The following SCOC variants were observed in gnomAD, a reference collection of about 807,000 sequenced individuals.
The protein encoded by SCOC is short coiled-coil protein, also known as short coiled coil protein.
A neutral mutation model predicts 9.9 loss-of-function variants in SCOC; 7 were observed. The observed-to-expected ratio is 0.71, with a 90% CI of 0.40 to 1.33. The LOEUF (loss-of-function observed/expected upper bound fraction) is 1.33. Ranked by LOEUF, SCOC falls within the 40% of genes most tolerant of loss-of-function variation. SCOC has a pLI of 0.01. For synonymous variants in SCOC, 19 were observed against 28.2 expected (o/e 0.67, Z 1.03); for missense variants, 66 against 89.7 (o/e 0.74, Z 1.07).
chr4:140,363,928 G>A (rs1727678536), intron 2 of SCOC, among the ~76,000 whole-genome samples: 1 of 152,172 alleles, frequency 6.6e-6, no homozygotes, highest in Non-Finnish European at 1.5e-5. Context: ...AAGAAGCAGA[G>A]AAAATTCATG....
At chr4:140,379,784 A>T (rs1012369544) in intron 3 of SCOC, 132 bp downstream of exon 3, 1 of 617,194 alleles carries the variant, frequency 1.6e-6, no homozygotes, top group Non-Finnish European at 2.9e-6. Context: ...ACACATATAT[A>T]TATCTATCTT....
chr4:140,350,876 C>T (rs767629753), intron 2 of SCOC, among the ~76,000 whole-genome samples: 15 of 152,066 alleles, frequency 9.9e-5, no homozygotes, highest in African/African-American at 1.4e-4. Flanking sequence ...AAGGAGCTCA[C>T]ATAAAAGTTT....
At chr4:140,350,878 TA>T (rs1310839020) in intron 2 of SCOC, among the ~76,000 whole-genome samples, 3 of 152,114 alleles carry the variant, frequency 2.0e-5, no homozygotes, top group Admixed American at 2.0e-4. Context: ...GGAGCTCACA[TA>T]AAAGTTTCCT....
intron 1 of SCOC, among the ~76,000 whole-genome samples, chr4:140,287,343 C>A (rs1423585976): frequency 1.3e-5 from 2 of 151,838 alleles, no homozygotes; most frequent in Non-Finnish European, 2.9e-5. Context: ...ACTAAACACA[C>A]ATCATGTGCA....
At chr4:140,296,537 G>T (rs1279033911) in intron 1 of SCOC, among the ~76,000 whole-genome samples, 2 of 152,190 alleles carry the variant, frequency 1.3e-5, no homozygotes, top group African/African-American at 4.8e-5. Context: ...TCCCTGAAAA[G>T]TGCAGTGGAA....
chr4:140,344,763 G>C (rs550421876), intron 2 of SCOC, among the ~76,000 whole-genome samples: 8 of 152,356 alleles, frequency 5.3e-5, no homozygotes, highest in African/African-American at 1.7e-4. Flanking sequence ...GCAGAAGGCA[G>C]TGAAGGAAAC....
intron 1 of SCOC, among the ~76,000 whole-genome samples, chr4:140,299,363 T>C (rs1377432727): frequency 6.6e-6 from 1 of 152,234 alleles, no homozygotes; most frequent in African/African-American, 2.4e-5. Context: ...AGAAGTCATA[T>C]GAATTCATAA....
At chr4:140,267,486 C>G (rs1231274580) in intron 1 of SCOC, among the ~76,000 whole-genome samples, 2 of 152,112 alleles carry the variant, frequency 1.3e-5, no homozygotes, top group African/African-American at 4.8e-5. Context: ...CTTCCTCTAC[C>G]CTGTTCTAAA....
At chr4:140,258,046 A>T (rs1327545449) in intron 1 of SCOC, among the ~76,000 whole-genome samples, 1 of 152,174 alleles carries the variant, frequency 6.6e-6, no homozygotes, top group African/African-American at 2.4e-5. Context: ...TGTTCCTCAC[A>T]TAGGTCGTCC....
chr4:140,373,180 A>T (rs903313065), upstream of SCOC: 5 of 683,364 alleles, frequency 7.3e-6, no homozygotes, highest in Non-Finnish European at 9.5e-6. Flanking sequence ...TTAAGGAACG[A>T]CGGTGTCGCG....
intron 2 of SCOC, among the ~76,000 whole-genome samples, chr4:140,354,000 G>A (rs146598986): frequency 2.0e-5 from 3 of 152,346 alleles, no homozygotes; most frequent in Non-Finnish European, 4.4e-5. Context: ...TGCTCGTAGT[G>A]TGACGTTAGT....
At chr4:140,284,878 A>G (rs1400212460) in intron 1 of SCOC, 1 of 174,934 alleles carries the variant, frequency 5.7e-6, no homozygotes, top group Non-Finnish European at 1.2e-5. Context: ...AATTCTTGTT[A>G]TAATTAATCA....
chr4:140,339,370 C>T (rs1726408170), upstream of SCOC, among the ~76,000 whole-genome samples: 1 of 151,890 alleles, frequency 6.6e-6, no homozygotes, highest in Admixed American at 6.6e-5. Flanking sequence ...TAGGCATTAC[C>T]ATTCAGGACA....
In SCOC at chr4:140,383,519, C is replaced by G. The variant is rs556596692; in HGVS notation, c.*2415C>G. 1 of 152,246 alleles carries G rather than the reference C, an allele frequency of 6.6e-6. No individual in the cohort carries two copies. Among genetic ancestry groups the G allele is most frequent in the East Asian group, 1.9e-4 (1 of 5,176 alleles). 9.4% of individuals were successfully genotyped at this position (152,246 alleles called of 1,614,324 possible). A position where few individuals can be genotyped will look rare whatever the true frequency, so the allele number is the denominator to read the frequency against. ...CTGGGAGATGTATGAAGATTTTGTC[C>G]CTAGCAGTGGAGAAGTTCCTTGATT... On this transcript the variant is annotated 3_prime_UTR_variant, in exon 4 of 4. Transcript: ENST00000608372.
In SCOC at chr4:140,270,070, A is replaced by T. The variant is rs186787114; in HGVS notation, c.-19+12660A>T. Among the ~76,000 whole-genome samples, 352 of 152,270 alleles carry T rather than the reference A, an allele frequency of 2.3e-3. 5 individuals carry two copies. Among genetic ancestry groups the T allele is most frequent in the Non-Finnish European group, 6.0e-4 (41 of 68,022 alleles). ...CCAGACTAGTCACAAACGTATCTTA[A>T]TAGGTAGAGTTCACTATTTAGTAAG... On this transcript the variant is annotated intron_variant, in intron 1 of 4. Transcript: ENST00000394205.
chr4:140,339,844 C>T (rs1726433390), upstream of SCOC, among the ~76,000 whole-genome samples: 2 of 152,318 alleles, frequency 1.3e-5, no homozygotes, highest in South Asian at 2.1e-4. Context: ...CACTTTTACA[C>T]TGTTGGTGGG....
chr4:140,357,175 T>C (rs890241706), intron 2 of SCOC, among the ~76,000 whole-genome samples: 8 of 152,092 alleles, frequency 5.3e-5, no homozygotes, highest in Non-Finnish European at 1.2e-4. Context: ...GGTTTCACCA[T>C]GTTGACCAGG....
chr4:140,311,853 C>T (rs911256003), intron 1 of SCOC, among the ~76,000 whole-genome samples: 2 of 152,066 alleles, frequency 1.3e-5, no homozygotes, highest in Non-Finnish European at 2.9e-5. Flanking sequence ...AAGTAGTTAG[C>T]CCTCAGTAAA....
intron 1 of SCOC, among the ~76,000 whole-genome samples, chr4:140,374,786 G>T (rs923892686): frequency 6.6e-6 from 1 of 152,152 alleles, no homozygotes; most frequent in African/African-American, 2.4e-5. Flanking sequence ...TTAGACCTGG[G>T]TTCAAATTCT....
Sources: allele counts gnomAD v4.1 joint callset (sites outside exome capture counted in the v4.1 genomes callset), GRCh38; gene constraint gnomAD v4.1.1; transcripts MANE v1.5; gene names NCBI Gene and HGNC (gene_info 2026-07-23, HGNC 2026-07-21).